The following CD79B variants were observed in gnomAD, a reference collection of about 807,000 sequenced individuals.
The protein encoded by CD79B is CD79b molecule.
CD79B carries 7 observed loss-of-function variants against 30.0 expected under a neutral mutation model. That is an observed-to-expected ratio of 0.23 (90% confidence interval 0.13 to 0.44). The LOEUF (loss-of-function observed/expected upper bound fraction) is 0.44, where lower values mean the gene tolerates loss of function less well. Among genes scored for constraint, CD79B ranks in the 20% least tolerant of loss-of-function variants. The probability of loss-of-function intolerance (pLI) is 1.00; values close to 1 mark genes in which losing one functional copy is unlikely to be tolerated. For missense variants in CD79B, 218 were observed against 299.1 expected, an observed-to-expected ratio of 0.73 and a Z score of 2.00; for synonymous variants, 118 against 119.2, an observed-to-expected ratio of 0.99 and a Z score of 0.07.
rs2144757727 is a variant in CD79B, at chr17:63,930,150, G to A, written c.354C>T (p.Gly118=). The change falls in exon 3 of 6, where the codon GGC becomes GGT. Residue 118 remains glycine, a synonymous_variant. Transcript: ENST00000006750. The part of the protein sequence containing the change: ...TIQGIRFEDN[G]IYFCQQKCNN... Reference sequence around the variant, plus strand: ...TGCACTTCTGCTGACAGAAGTAGATGCCATTGTCCTCAAACCGGATGCCTT... The same window carrying A: ...TGCACTTCTGCTGACAGAAGTAGATACCATTGTCCTCAAACCGGATGCCTT... 1 of 1,614,206 alleles carries A rather than the reference G, an allele frequency of 6.2e-7. No individual in the cohort carries two copies. Among genetic ancestry groups the A allele is most frequent in the Non-Finnish European group, 8.5e-7 (1 of 1,180,008 alleles).
At chr17:63,930,447 C>A in intron 2 of CD79B, 62 bp from the exon 3 acceptor site, 1 of 1,462,478 alleles carries the variant, frequency 6.8e-7, no homozygotes, top group Non-Finnish European at 9.5e-7. Context: ...CCAGCCCCAG[C>A]AGCAGGCCCC....
chr17:63,931,994 G>A (rs2144761809), intron 1 of CD79B: 2 of 666,118 alleles, frequency 3.0e-6, no homozygotes, highest in Non-Finnish European at 5.5e-6. Flanking sequence ...GGCAGGAGAG[G>A]AACTGGGGCC....
At chr17:63,931,434 C>G (rs780512299) in intron 1 of CD79B, 49 bp from the exon 2 acceptor site, 8 of 1,586,658 alleles carry the variant, frequency 5.0e-6, no homozygotes, top group Non-Finnish European at 6.9e-6. Flanking sequence ...CTCCTCTGGC[C>G]TGGGCTGCCC....
chr17:63,930,716 C>A (rs932551110), intron 2 of CD79B, among the ~76,000 whole-genome samples: 10 of 151,968 alleles, frequency 6.6e-5, no homozygotes, highest in Admixed American at 2.6e-4. Flanking sequence ...CCCCCAGGAC[C>A]TGGAGGCCCA....
At position 63,932,296 on chromosome 17, in the gene CD79B, C is replaced by CA; in HGVS notation, c.-36dup. 1 of 1,601,548 alleles carries CA rather than the reference C, an allele frequency of 6.2e-7. No individual in the cohort carries two copies. Among genetic ancestry groups the CA allele is most frequent in the Non-Finnish European group, 8.5e-7 (1 of 1,173,430 alleles). ...TCTGTCCCCGACCCCAAACCCGTGA[C>CA]AACGTCCGAGGCTCCTTGGAGGAAA... On this transcript the variant is annotated 5_prime_UTR_variant, in exon 1 of 6. Coordinates refer to ENST00000006750, the MANE Select transcript of CD79B (RefSeq NM_000626.4).
chr17:63,929,264 C>T lies in CD79B; in HGVS notation c.652G>A (p.Val218Met). The T allele has an allele frequency of 6.2e-7, 1 of 1,614,084 alleles. No homozygotes were observed. Among genetic ancestry groups the T allele is most frequent in the Non-Finnish European group, 8.5e-7 (1 of 1,179,966 alleles). ...GGGTGCTCACCTACAGACCACTTCA[C>T]TTCCCCTGTCCGCAGCGTCACTATG... ...EDIVTLRTGE[V>M]KWSVGEHPGQ... The change falls in exon 6 of 6, where the codon GTG becomes ATG. Residue 218 changes from valine (V) to methionine (M), a missense_variant. Transcript: ENST00000006750.
chr17:63,932,098 C>G, intron 1 of CD79B, 97 bp downstream of exon 1: 3 of 1,084,912 alleles, frequency 2.8e-6, no homozygotes, highest in Non-Finnish European at 4.2e-6. Flanking sequence ...GAGTGAGAGA[C>G]AGAGGAGGAG....
Position 63,929,958 on chromosome 17 carries a change from C to G in CD79B, c.431-70G>C, listed in dbSNP as rs1908015138. ...CTTTTAGGCCTACAAGGGCAGCTCCCTCAGGTCCCAGTGGCTCTCCTGAGT... is the reference window on the plus strand; with the variant it reads ...CTTTTAGGCCTACAAGGGCAGCTCCGTCAGGTCCCAGTGGCTCTCCTGAGT... On this transcript the variant is annotated intron_variant, in intron 3 of 5. Coordinates refer to ENST00000006750, the MANE Select transcript of CD79B (RefSeq NM_000626.4). 20 of 1,534,106 alleles carry G rather than the reference C, an allele frequency of 1.3e-5. No homozygotes were observed. The South Asian group carries it at 2.2e-4, about 17-fold the overall frequency.
At chr17:63,931,265 G>T (rs1908104765) in intron 2 of CD79B, 70 bp downstream of exon 2, 2 of 1,513,266 alleles carry the variant, frequency 1.3e-6, no homozygotes, top group Admixed American at 1.7e-5. Context: ...CCCAGGACAG[G>T]GACCATAGTC....
At chr17:63,931,069 G>A (rs536148953) in intron 2 of CD79B, 18 of 525,766 alleles carry the variant, frequency 3.4e-5, no homozygotes, top group African/African-American at 3.2e-4. Context: ...GAGTCCTAGA[G>A]GAACCCCCAG....
Position 63,929,168 on chromosome 17 carries a change from T to G in CD79B, c.*58A>C. 1 of 1,174,394 alleles carries G rather than the reference T, an allele frequency of 8.5e-7. No individual in the cohort carries two copies. The highest frequency in any genetic ancestry group is 1.3e-6 in the Non-Finnish European group (1 of 780,462). 72.7% of individuals were successfully genotyped at this position (1,174,394 alleles called of 1,614,324 possible). A position where few individuals can be genotyped will look rare whatever the true frequency, so the allele number is the denominator to read the frequency against. On this transcript the variant is annotated 3_prime_UTR_variant, in exon 6 of 6. Transcript: ENST00000006750. ...GGGGTTGGGCCATGAGCCAGGCAGCTCCGAAGCAGTCACTGAGGCCAGGGA... is the reference window on the plus strand; with the variant it reads ...GGGGTTGGGCCATGAGCCAGGCAGCGCCGAAGCAGTCACTGAGGCCAGGGA...
At chr17:63,931,714 TG>T (rs1217791615) in intron 1 of CD79B, among the ~76,000 whole-genome samples, 3 of 150,726 alleles carry the variant, frequency 2.0e-5, no homozygotes, top group Non-Finnish European at 4.4e-5. Context: ...GAGACCAGCC[TG>T]GGCAACATAG....
rs746504464 is a variant in CD79B at position 63,930,233 on chromosome 17, G to C, written c.271C>G (p.Leu91Val). The C allele has an allele frequency of 6.2e-7, 1 of 1,614,204 alleles. No individual in the cohort carries two copies. The highest frequency in any genetic ancestry group is 1.1e-5 in the South Asian group (1 of 91,090). Residue 91 changes from leucine to valine, a missense_variant, in exon 3 of 6, where the codon CTG (leucine) becomes GTG (valine). Physicochemically the swap from Leu to Val is conservative, Grantham distance 32 (BLOSUM62 1). Coordinates refer to ENST00000006750, the MANE Select transcript of CD79B (RefSeq NM_000626.4). ...EMDENPQQLK[L>V]EKGRMEESQN... is the part of the protein sequence containing the mutation. ...GACTCTTCCATGCGGCCCTTTTCCA[G>C]CTTCAGCTGCTGGGGATTCTCGTCC...
chr17:63,929,148 T>G lies in CD79B; in HGVS notation c.*78A>C. 4 of 980,732 alleles carry G rather than the reference T, an allele frequency of 4.1e-6. No individual in the cohort carries two copies. In the South Asian group the frequency reaches 5.1e-5, roughly 13 times the overall value. The allele number at this position is 980,732 out of a possible 1,614,324, so 60.8% of individuals were successfully genotyped here. A position where few individuals can be genotyped will look rare whatever the true frequency, so the allele number is the denominator to read the frequency against. On this transcript the variant is annotated 3_prime_UTR_variant, in exon 6 of 6. Transcript: ENST00000006750. ...CAGCTGGGGGGTCCAGGAAAGGGGT[T>G]GGGCCATGAGCCAGGCAGCTCCGAA...
chr17:63,928,873 T>C lies in CD79B; in HGVS notation c.*353A>G. Reference sequence around the variant, plus strand: ...TGGGGCCCAGTTGGGTCCATGGCCCTTCCCAAGCTCTGCTGGGAGGCCCTC... The same window carrying C: ...TGGGGCCCAGTTGGGTCCATGGCCCCTCCCAAGCTCTGCTGGGAGGCCCTC... On this transcript the variant is annotated 3_prime_UTR_variant, in exon 6 of 6. Coordinates refer to ENST00000006750, the MANE Select transcript of CD79B (RefSeq NM_000626.4). The C allele has an allele frequency of 1.1e-5, 5 of 436,554 alleles. No homozygotes were observed. The highest frequency in any genetic ancestry group is 9.6e-5 in the South Asian group (4 of 41,744). 27.0% of individuals were successfully genotyped at this position (436,554 alleles called of 1,614,324 possible). A position where few individuals can be genotyped will look rare whatever the true frequency, so the allele number is the denominator to read the frequency against.
chr17:63,929,174 G>A lies in CD79B; in HGVS notation c.*52C>T. On this transcript the variant is annotated 3_prime_UTR_variant, in exon 6 of 6. Coordinates refer to ENST00000006750, the MANE Select transcript of CD79B (RefSeq NM_000626.4). ...GGGCCATGAGCCAGGCAGCTCCGAA[G>A]CAGTCACTGAGGCCAGGGAGCCTGC... The A allele has an allele frequency of 8.1e-7, 1 of 1,229,130 alleles. No individual in the cohort carries two copies. Among genetic ancestry groups the A allele is most frequent in the Non-Finnish European group, 1.2e-6 (1 of 829,656 alleles). 76.1% of individuals were successfully genotyped at this position (1,229,130 alleles called of 1,614,324 possible). A position where few individuals can be genotyped will look rare whatever the true frequency, so the allele number is the denominator to read the frequency against.
chr17:63,931,956 C>A, intron 1 of CD79B: 1 of 599,310 alleles, frequency 1.7e-6, no homozygotes. Flanking sequence ...GTTTGCTCCT[C>A]ATGCCCAGCT....
rs1326555379 is a variant in CD79B, at chr17:63,929,085, G to A, written c.*141C>T. The A allele has an allele frequency of 1.4e-6, 1 of 694,260 alleles. No individual in the cohort carries two copies. Among genetic ancestry groups the A allele is most frequent in the East Asian group, 2.7e-5 (1 of 37,650 alleles). The allele number at this position is 694,260 out of a possible 1,614,324, so 43.0% of individuals were successfully genotyped here. On this transcript the variant is annotated 3_prime_UTR_variant, in exon 6 of 6. Coordinates refer to ENST00000006750, the MANE Select transcript of CD79B (RefSeq NM_000626.4). ...GGCAAGAGCTGGGGACCAGGGGCTGGAGACAAATGGCAGCTCTGGTGGGCC... is the reference window on the plus strand; with the variant it reads ...GGCAAGAGCTGGGGACCAGGGGCTGAAGACAAATGGCAGCTCTGGTGGGCC...
chr17:63,929,246 C>T lies in CD79B; in HGVS notation c.670G>A (p.Glu224Lys). The change falls in exon 6 of 6, where the codon GAG becomes AAG. Residue 224 changes from glutamate to lysine, a missense_variant. Transcript: ENST00000006750. ...RTGEVKWSVG[E>K]HPGQE ...GGCTCTCACTCCTGGCCTGGGTGCTCACCTACAGACCACTTCACTTCCCCT... is the reference window on the plus strand; with the variant it reads ...GGCTCTCACTCCTGGCCTGGGTGCTTACCTACAGACCACTTCACTTCCCCT... The T allele has an allele frequency of 6.2e-7, 1 of 1,613,048 alleles. No homozygotes were observed. Among genetic ancestry groups the T allele is most frequent in the Non-Finnish European group, 8.5e-7 (1 of 1,179,094 alleles).
Sources: allele counts gnomAD v4.1 joint callset (sites outside exome capture counted in the v4.1 genomes callset), GRCh38; gene constraint gnomAD v4.1.1; transcripts MANE v1.5; gene names NCBI Gene and HGNC (gene_info 2026-07-23, HGNC 2026-07-21).